Variants in TRAPPC12 observed in about 807,000 individuals in gnomAD.
TRAPPC12 encodes the protein TPR repeat protein 15.
TRAPPC12 carries 61 observed loss-of-function variants against 69.2 expected under a neutral mutation model. The observed-to-expected ratio is 0.88, with a 90% CI of 0.72 to 1.09. The LOEUF (loss-of-function observed/expected upper bound fraction) is 1.09. Ranked by LOEUF, TRAPPC12 falls within the 50% of genes least tolerant of loss-of-function variation. The pLI, the probability that TRAPPC12 is intolerant of heterozygous loss-of-function variation, is 0.00. For synonymous variants in TRAPPC12, 469 were observed against 438.9 expected (o/e 1.07, Z -0.86); for missense variants, 1,101 against 1,016.4 (o/e 1.08, Z -1.13).
chr2:3,455,746 G>C (rs1665115103), intron 6 of TRAPPC12: 1 of 152,204 alleles, frequency 6.6e-6, no homozygotes. Flanking sequence ...TTATCCCCTT[G>C]TCTGCTGATG....
chr2:3,402,285 C>T (rs886690811), intron 3 of TRAPPC12, among the ~76,000 whole-genome samples: 4 of 152,052 alleles, frequency 2.6e-5, no homozygotes, highest in Admixed American at 1.3e-4. Context: ...GTCATGAATT[C>T]TATAAGTAGG....
intron 5 of TRAPPC12, among the ~76,000 whole-genome samples, chr2:3,432,157 T>C (rs1268025834): frequency 6.6e-6 from 1 of 152,210 alleles, no homozygotes; most frequent in Non-Finnish European, 1.5e-5. Context: ...GTTTAAGAAG[T>C]ATAGTGCTGC....
In TRAPPC12 at chr2:3,387,646, A is replaced by G. The variant is rs901656637; in HGVS notation, c.23A>G (p.Glu8Gly). 1.4e-5 allele frequency: 21 copies of G among 1,545,158 alleles called. No homozygotes were observed. The highest frequency in any genetic ancestry group is 1.8e-5 in the Non-Finnish European group (21 of 1,142,862). The change falls in exon 2 of 12, where the codon GAG becomes GGG. Residue 8 changes from glutamate to glycine, a missense_variant. By Grantham distance (98) the Glu-to-Gly change is moderately conservative. Coordinates refer to ENST00000324266, the MANE Select transcript of TRAPPC12 (RefSeq NM_016030.6). ...GTCATGGAGGACGCTGGCGGCGGCG[A>G]GGAGACCCCGGCCCCGGAGGCCCCG... Reference protein sequence around the residue: MEDAGGGEETPAPEAPHP... With the variant: MEDAGGGGETPAPEAPHP...
rs757792014 is a variant in TRAPPC12 at position 3,417,547 on chromosome 2, C to T, written c.1165-4334C>T. ...CACCATTGTGACCTGATGTTGGAAA[C>T]TTGCCCTGGCTTCTGGGACCTGGCC... On this transcript the variant is annotated intron_variant, in intron 3 of 11. Transcript: ENST00000324266. 3.7e-4 allele frequency among the ~76,000 whole-genome samples: 57 copies of T among 152,296 alleles called. No homozygotes were observed. In the Middle Eastern group the frequency reaches 0.01, roughly 27 times the overall value.
chr2:3,465,473 C>T (rs1159265895), intron 8 of TRAPPC12, 124 bp from the exon 9 acceptor site: 1 of 680,018 alleles, frequency 1.5e-6, no homozygotes, highest in African/African-American at 1.8e-5. Context: ...AGCTTCCCCG[C>T]CAGCTCCTGC....
intron 5 of TRAPPC12, among the ~76,000 whole-genome samples, chr2:3,432,242 T>C (rs1247238550): frequency 1.3e-5 from 2 of 152,216 alleles, no homozygotes; most frequent in Non-Finnish European, 2.9e-5. Context: ...GAAATGGTAC[T>C]TCAGAACTTA....
chr2:3,425,259 C>T (rs1055082428), intron 5 of TRAPPC12, among the ~76,000 whole-genome samples: 5 of 152,134 alleles, frequency 3.3e-5, no homozygotes, highest in Non-Finnish European at 7.4e-5. Flanking sequence ...GAGCCTTGTG[C>T]AGTGTGCGTC....
intron 10 of TRAPPC12, chr2:3,478,086 G>T (rs4641971): frequency 0.38 from 89,303 of 232,282 alleles, 17,504 homozygotes; most frequent in Middle Eastern, 0.5. Context: ...CACCATTGCT[G>T]GCGTAGCGGC....
At chr2:3,399,176 T>C (rs1343245092) in intron 2 of TRAPPC12, among the ~76,000 whole-genome samples, 2 of 152,234 alleles carry the variant, frequency 1.3e-5, no homozygotes, top group Non-Finnish European at 2.9e-5. Context: ...AGCTAAAATA[T>C]TAACTAACAG....
At position 3,414,841 on chromosome 2, in the gene TRAPPC12, A is replaced by G. The variant is rs1457863135; in HGVS notation, c.1165-7040A>G. ...ATTTCATAAACACACGTATGTGTGCATGTATGTATTTCTTATGGACATCAC... is the reference window on the plus strand; with the variant it reads ...ATTTCATAAACACACGTATGTGTGCGTGTATGTATTTCTTATGGACATCAC... On this transcript the variant is annotated intron_variant, in intron 3 of 11. Coordinates refer to ENST00000324266, the MANE Select transcript of TRAPPC12 (RefSeq NM_016030.6). This position sits in a 1 kb window ranked among gnomAD's most constrained non-coding sequence, Gnocchi z 4.9. 6.6e-6 allele frequency among the ~76,000 whole-genome samples: 1 copy of G among 152,116 alleles called. No individual in the cohort carries two copies. The highest frequency in any genetic ancestry group is 1.5e-5 in the Non-Finnish European group (1 of 68,032).
At chr2:3,424,036 C>T (rs879228953) in intron 4 of TRAPPC12, among the ~76,000 whole-genome samples, 2 of 152,194 alleles carry the variant, frequency 1.3e-5, no homozygotes, top group Admixed American at 1.3e-4. Context: ...CCTGCGCTTC[C>T]TCTCCTTCCT....
Position 3,479,340 on chromosome 2 carries a change from A to C in TRAPPC12, c.2087A>C (p.Asn696Thr). ...RHYLHESVLF[N>T]LTTMYELESS... ...TACCTGCACGAGAGCGTGCTCTTCAACCTGACCACCATGTACGAGCTGGAG... is the reference window on the plus strand; with the variant it reads ...TACCTGCACGAGAGCGTGCTCTTCACCCTGACCACCATGTACGAGCTGGAG... The change falls in exon 12 of 12, where the codon AAC becomes ACC. Residue 696 changes from asparagine (N) to threonine (T), a missense_variant. By Grantham distance (65) the Asn-to-Thr change is moderately conservative. Coordinates refer to ENST00000324266, the MANE Select transcript of TRAPPC12 (RefSeq NM_016030.6). 6 of 1,614,142 alleles carry C rather than the reference A, an allele frequency of 3.7e-6. No individual in the cohort carries two copies. The highest frequency in any genetic ancestry group is 3.4e-6 in the Non-Finnish European group (4 of 1,180,034).
Position 3,427,965 on chromosome 2 carries a change from C to T in TRAPPC12, c.1417+3302C>T, listed in dbSNP as rs115587050. Among the ~76,000 whole-genome samples the T allele has an allele frequency of 9.7e-4, 147 of 152,046 alleles. 1 individual carries two copies. Among genetic ancestry groups the T allele is most frequent in the African/African-American group, 3.3e-3 (136 of 41,486 alleles). ...TTGGCCATTCAGGAATGCCCAACATCGCCTTGTGTATCCTATTTTACAGTG... is the reference window on the plus strand; with the variant it reads ...TTGGCCATTCAGGAATGCCCAACATTGCCTTGTGTATCCTATTTTACAGTG... On this transcript the variant is annotated intron_variant, in intron 5 of 11. Transcript: ENST00000324266.
chr2:3,423,618 T>A (rs1176610210), intron 4 of TRAPPC12, among the ~76,000 whole-genome samples: 1 of 152,034 alleles, frequency 6.6e-6, no homozygotes, highest in Non-Finnish European at 1.5e-5. Flanking sequence ...GTGCCTGGCT[T>A]GTTTGTCTAA....
intron 9 of TRAPPC12, chr2:3,472,558 A>C (rs965257187): frequency 1.3e-5 from 2 of 152,300 alleles, no homozygotes; most frequent in African/African-American, 4.8e-5. Flanking sequence ...GTGAGGCCTC[A>C]TCATGCTGAT....
rs553428968 is a variant in TRAPPC12, at chr2:3,396,881, G to A, written c.1048-4896G>A. Among the ~76,000 whole-genome samples, 6 of 152,218 alleles carry A rather than the reference G, an allele frequency of 3.9e-5. No individual in the cohort carries two copies. In the East Asian group the frequency reaches 1.2e-3, roughly 29 times the overall value. ...TAAAGTTGTCTTCTGAGCTGGGTGTGGTGGCATGTGCCCATAGTCACAGCT... is the reference window on the plus strand; with the variant it reads ...TAAAGTTGTCTTCTGAGCTGGGTGTAGTGGCATGTGCCCATAGTCACAGCT... On this transcript the variant is annotated intron_variant, in intron 2 of 11. Transcript: ENST00000324266.
At chr2:3,443,586 C>T in intron 5 of TRAPPC12, 193 bp from the exon 6 acceptor site, 1 of 610,690 alleles carries the variant, frequency 1.6e-6, no homozygotes, top group Non-Finnish European at 3.0e-6. Flanking sequence ...ATTGTCGAGA[C>T]ATACATACAT....
intron 6 of TRAPPC12, among the ~76,000 whole-genome samples, chr2:3,446,824 A>G (rs895339232): frequency 6.6e-6 from 1 of 152,200 alleles, no homozygotes; most frequent in Admixed American, 6.5e-5. Flanking sequence ...GCCCTCAGTG[A>G]GTTTACAGTT....
chr2:3,394,925 C>T (rs1006101039), intron 2 of TRAPPC12, among the ~76,000 whole-genome samples: 2 of 152,142 alleles, frequency 1.3e-5, no homozygotes, highest in Non-Finnish European at 2.9e-5. Flanking sequence ...TTCTGTCTCT[C>T]ACACACACAC....
Sources: gnomAD v4.1 joint callset for allele counts (sites outside exome capture counted in the v4.1 genomes callset) on GRCh38, gnomAD v4.1.1 for gene constraint, Gnocchi (gnomAD v3.1) non-coding constraint, MANE v1.5 for transcripts, NCBI Gene and HGNC (gene_info 2026-07-23, HGNC 2026-07-21) for gene names.